ZNF724: variants seen among roughly 807,000 people sequenced by gnomAD.
The protein encoded by ZNF724 is zinc finger protein 724.
Under a neutral mutation model 29.3 loss-of-function variants are expected in ZNF724, and 14 were observed. The ratio of observed to expected loss-of-function variants is 0.48; its 90% confidence interval spans 0.32 to 0.75. The LOEUF (loss-of-function observed/expected upper bound fraction) is 0.75. Among genes scored for constraint, ZNF724 ranks in the 30% least tolerant of loss-of-function variants. The pLI is 0.04. For synonymous variants in ZNF724, 180 were observed against 193.6 expected, an observed-to-expected ratio of 0.93 and a Z score of 0.58; for missense variants, 557 against 571.2, an observed-to-expected ratio of 0.98 and a Z score of 0.25.
chr19:23,240,642 C>T (rs1400437168), intron 1 of ZNF724, among the ~76,000 whole-genome samples: 1 of 150,674 alleles, frequency 6.6e-6, no homozygotes, highest in Non-Finnish European at 1.5e-5. Flanking sequence ...ATTGCTTAAA[C>T]CAGGAAGGCG....
At chr19:23,224,708 C>T (rs1330595667) in intron 3 of ZNF724, among the ~76,000 whole-genome samples, 1 of 62,070 alleles carries the variant, frequency 1.6e-5, no homozygotes, top group East Asian at 5.1e-4. Context: ...GTAATCCCAA[C>T]ACTTTGGCGT....
intron 3 of ZNF724, 146 bp from the exon 4 acceptor site, chr19:23,224,164 C>G (rs1971780116): frequency 2.0e-6 from 1 of 506,588 alleles, no homozygotes; most frequent in Non-Finnish European, 3.4e-6. Flanking sequence ...GTACTCCCAG[C>G]ACGTTGAAAG....
Position 23,239,803 on chromosome 19 carries a change from T to G in ZNF724, c.4-7510A>C, listed in dbSNP as rs1279791692. On this transcript the variant is annotated intron_variant, in intron 1 of 3. Transcript: ENST00000418100. ...TCCAGGCTAGGCAACGCAGCGAGAC[T>G]GTTTCAATCAATCAATAAAGCAAGA... Among the ~76,000 whole-genome samples, 5 of 152,026 alleles carry G rather than the reference T, an allele frequency of 3.3e-5. No homozygotes were observed. The East Asian group carries it at 7.7e-4, about 24-fold the overall frequency.
chr19:23,245,802 C>T (rs139007554), intron 1 of ZNF724, among the ~76,000 whole-genome samples: 4 of 152,176 alleles, frequency 2.6e-5, no homozygotes, highest in African/African-American at 7.2e-5. Context: ...TCCTTTGGAA[C>T]TTAATTTTTT....
intron 1 of ZNF724, among the ~76,000 whole-genome samples, chr19:23,232,584 A>G (rs1971955275): frequency 6.6e-6 from 1 of 152,200 alleles, no homozygotes. Flanking sequence ...TGCTATATTC[A>G]CACTATAAAG....
intron 1 of ZNF724, chr19:23,236,917 A>C (rs896821108): frequency 2.0e-5 from 3 of 151,766 alleles, no homozygotes; most frequent in Non-Finnish European, 2.9e-5. Context: ...CAGTGGCATG[A>C]CCTTAGCTCA....
chr19:23,226,515 C>G (rs1971829750), intron 3 of ZNF724, among the ~76,000 whole-genome samples: 1 of 152,108 alleles, frequency 6.6e-6, no homozygotes, highest in African/African-American at 2.4e-5. Context: ...AATTTTATGT[C>G]ATCTGTTTTT....
chr19:23,240,210 G>A (rs1366810071), intron 1 of ZNF724, among the ~76,000 whole-genome samples: 1 of 151,472 alleles, frequency 6.6e-6, no homozygotes, highest in Admixed American at 6.6e-5. Flanking sequence ...CACCTACCTG[G>A]GAGGCTGAGG....
intron 1 of ZNF724, among the ~76,000 whole-genome samples, chr19:23,242,423 A>T (rs1972140233): frequency 1.3e-5 from 2 of 152,038 alleles, no homozygotes. Flanking sequence ...TACAAAAAAA[A>T]TACTAAAAGA....
At position 23,222,237 on chromosome 19, in the gene ZNF724, T is replaced by C. The variant is rs1016258891; in HGVS notation, c.*148A>G. 8 of 596,422 alleles carry C rather than the reference T, an allele frequency of 1.3e-5. No individual in the cohort carries two copies. Among genetic ancestry groups the C allele is most frequent in the African/African-American group, 1.9e-5 (1 of 53,824 alleles). The allele number at this position is 596,422 out of a possible 1,614,324, so 36.9% of individuals were successfully genotyped here. A position where few individuals can be genotyped will look rare whatever the true frequency, so the allele number is the denominator to read the frequency against. ...ATTGAGGTGTTGTCAACTGCACTGTTATATCTTTCAGGTTTGTACGGTTTC... is the reference window on the plus strand; with the variant it reads ...ATTGAGGTGTTGTCAACTGCACTGTCATATCTTTCAGGTTTGTACGGTTTC... On this transcript the variant is annotated 3_prime_UTR_variant, in exon 4 of 4. Coordinates refer to ENST00000418100, the MANE Select transcript of ZNF724 (RefSeq NM_001355404.2).
At position 23,223,943 on chromosome 19, in the gene ZNF724, C is replaced by T. The variant is rs1366851347; in HGVS notation, c.302G>A (p.Arg101Lys). 2.6e-6 allele frequency: 2 copies of T among 757,418 alleles called. No homozygotes were observed. The highest frequency in any genetic ancestry group is 2.4e-6 in the Non-Finnish European group (1 of 409,564). The allele number at this position is 757,418 out of a possible 1,614,324, so 46.9% of individuals were successfully genotyped here. A position where few individuals can be genotyped will look rare whatever the true frequency, so the allele number is the denominator to read the frequency against. ...GTGATGTCCACATTTTTCATATTTT[C>T]TCAGTATTATTCTTTGCAAAGAAGC... ...IKASLQRIIL[R>K]KYEKCGHHNL... The change falls in exon 4 of 4, where the codon AGA becomes AAA. Residue 101 changes from arginine to lysine, a missense_variant. Transcript: ENST00000418100.
intron 3 of ZNF724, among the ~76,000 whole-genome samples, chr19:23,226,050 C>CTTTT (rs35158570): frequency 1.1e-5 from 1 of 95,206 alleles, no homozygotes; most frequent in Non-Finnish European, 2.1e-5. Flanking sequence ...GAGAGAGGGT[C>CTTTT]TTTTTTTTTT....
At chr19:23,229,659 G>A in intron 3 of ZNF724, among the ~76,000 whole-genome samples, 1 of 152,138 alleles carries the variant, frequency 6.6e-6, no homozygotes, top group East Asian at 1.9e-4. Context: ...GCAACTAAAG[G>A]TAAACCCTTG....
In ZNF724 at chr19:23,221,682, G is replaced by A. The variant is rs574651508; in HGVS notation, c.*703C>T. On this transcript the variant is annotated 3_prime_UTR_variant, in exon 4 of 4. Coordinates refer to ENST00000418100, the MANE Select transcript of ZNF724 (RefSeq NM_001355404.2). ...TGCAACCTCTGCCTCCCAGGTTCAA[G>A]CGATTCTCCTGTCTCAACCACCGAG... 6.6e-6 allele frequency: 1 copy of A among 152,460 alleles called. No individual in the cohort carries two copies. The highest frequency in any genetic ancestry group is 2.4e-5 in the African/African-American group (1 of 41,508). 9.4% of individuals were successfully genotyped at this position (152,460 alleles called of 1,614,324 possible). A position where few individuals can be genotyped will look rare whatever the true frequency, so the allele number is the denominator to read the frequency against.
rs773699395 is a variant in ZNF724 at position 23,223,954 on chromosome 19, T to C, written c.291A>G (p.Arg97=). Residue 97 remains arginine, a synonymous_variant, in exon 4 of 4, where the codon AGA becomes AGG. Transcript: ENST00000418100. ...PEQSIKASLQ[R]IILRKYEKCG... ...ATTTTTCATATTTTCTCAGTATTATTCTTTGCAAAGAAGCTTTTATGCTCT... is the reference window on the plus strand; with the variant it reads ...ATTTTTCATATTTTCTCAGTATTATCCTTTGCAAAGAAGCTTTTATGCTCT... 4 of 745,176 alleles carry C rather than the reference T, an allele frequency of 5.4e-6. No individual in the cohort carries two copies. In the South Asian group the frequency reaches 5.8e-5, roughly 11 times the overall value. The allele number at this position is 745,176 out of a possible 1,614,324, so 46.2% of individuals were successfully genotyped here.
Position 23,223,198 on chromosome 19 carries a change from C to T in ZNF724, c.1047G>A (p.Val349=). 8.9e-7 allele frequency: 1 copy of T among 1,128,852 alleles called. No individual in the cohort carries two copies. The highest frequency in any genetic ancestry group is 1.4e-6 in the Non-Finnish European group (1 of 739,704). 69.9% of individuals were successfully genotyped at this position (1,128,852 alleles called of 1,614,324 possible). ...KCEECGKAFN[V]SSTLTQHKRI... is the part of the protein sequence containing the mutation. ...TCTTATGTTGAGTAAGGGTTGAGGACACATTAAAGGCTTTGCCACATTCTT... is the reference window on the plus strand; with the variant it reads ...TCTTATGTTGAGTAAGGGTTGAGGATACATTAAAGGCTTTGCCACATTCTT... Residue 349 remains valine, a synonymous_variant, in exon 4 of 4, where the codon GTG becomes GTA. Transcript: ENST00000418100.
intron 3 of ZNF724, among the ~76,000 whole-genome samples, chr19:23,230,604 A>C (rs1426855235): frequency 6.6e-6 from 1 of 152,210 alleles, no homozygotes; most frequent in African/African-American, 2.4e-5. Flanking sequence ...TAATAGTTTA[A>C]CACAGAGTTT....
intron 2 of ZNF724, among the ~76,000 whole-genome samples, chr19:23,231,652 C>T (rs1253883842): frequency 6.6e-6 from 1 of 151,950 alleles, no homozygotes; most frequent in African/African-American, 2.4e-5. Flanking sequence ...TACAGATCAG[C>T]TCAGGAATAT....
intron 1 of ZNF724, among the ~76,000 whole-genome samples, chr19:23,241,834 T>C (rs1483660892): frequency 3.9e-5 from 6 of 152,172 alleles, no homozygotes; most frequent in African/African-American, 7.2e-5. Flanking sequence ...AAGATAAGGA[T>C]GCCTTTTCTT....
Sources: allele counts gnomAD v4.1 joint callset (sites outside exome capture counted in the v4.1 genomes callset), GRCh38; gene constraint gnomAD v4.1.1; transcripts MANE v1.5; gene names NCBI Gene and HGNC (gene_info 2026-07-23, HGNC 2026-07-21).